RIMS2: variants seen among roughly 807,000 people sequenced by gnomAD.
The protein encoded by RIMS2 is regulating synaptic membrane exocytosis 2.
In RIMS2, 59 loss-of-function variants were observed where a neutral mutation model predicts 174.4. The observed-to-expected ratio is 0.34, with a 90% confidence interval of 0.27 to 0.42. The LOEUF is 0.42. RIMS2 is among the 10% of genes least tolerant of loss of function. RIMS2 has a pLI of 1.00. For synonymous variants in RIMS2, 606 were observed against 572.5 expected, an observed-to-expected ratio of 1.06 and a Z score of -0.84; for missense variants, 1,620 against 1,666.3, an observed-to-expected ratio of 0.97 and a Z score of 0.48.
chr8:103,956,448 A>G (rs1426028286), intron 14 of RIMS2, among the ~76,000 whole-genome samples: 1 of 152,188 alleles, frequency 6.6e-6, no homozygotes, highest in African/African-American at 2.4e-5. Flanking sequence ...ATAATGCCAC[A>G]CATCTACAAC....
At chr8:104,155,396 G>A (rs539229407) in intron 19 of RIMS2, among the ~76,000 whole-genome samples, 286 of 142,408 alleles carry the variant, frequency 2.0e-3, no homozygotes, top group African/African-American at 7.3e-3. Context: ...ATGAGCCACC[G>A]CGCCCGGCCT....
chr8:103,783,565 A>T (rs540505047), intron 3 of RIMS2, among the ~76,000 whole-genome samples: 1 of 150,996 alleles, frequency 6.6e-6, no homozygotes, highest in Admixed American at 6.6e-5. Context: ...ATGATTTCCA[A>T]TTTCATCCAT....
chr8:103,675,846 G>A (rs903841074), intron 1 of RIMS2, among the ~76,000 whole-genome samples: 6 of 152,042 alleles, frequency 3.9e-5, no homozygotes, highest in Admixed American at 3.9e-4. Flanking sequence ...ATTCTGGTTT[G>A]TGGACTTTTA....
chr8:104,055,357 T>C (rs1305580974), intron 19 of RIMS2, among the ~76,000 whole-genome samples: 2 of 152,148 alleles, frequency 1.3e-5, no homozygotes, highest in Non-Finnish European at 2.9e-5. Context: ...ATAAGATGTA[T>C]ATACAGGGTG....
chr8:104,181,815 T>C (rs2098941623), intron 19 of RIMS2, among the ~76,000 whole-genome samples: 1 of 151,684 alleles, frequency 6.6e-6, no homozygotes, highest in Non-Finnish European at 1.5e-5. Flanking sequence ...TTTTATGTAC[T>C]TCGACATTTA....
intron 19 of RIMS2, among the ~76,000 whole-genome samples, chr8:104,115,062 G>A (rs1357919383): frequency 1.3e-5 from 2 of 152,008 alleles, no homozygotes; most frequent in Non-Finnish European, 2.9e-5. Context: ...GTACTGATCT[G>A]AAGCTTAAGA....
intron 1 of RIMS2, among the ~76,000 whole-genome samples, chr8:103,503,289 T>C (rs1482620810): frequency 2.7e-5 from 4 of 149,648 alleles, no homozygotes; most frequent in African/African-American, 1.0e-4. Flanking sequence ...GTTTTAAATG[T>C]TCTTAATTTT....
intron 19 of RIMS2, among the ~76,000 whole-genome samples, chr8:104,067,136 AT>A (rs2097120158): frequency 6.6e-6 from 1 of 152,050 alleles, no homozygotes; most frequent in Non-Finnish European, 1.5e-5. Flanking sequence ...TAAAATACCT[AT>A]TTTTTAATAG....
At chr8:103,757,496 AT>A (rs1437218033) in intron 2 of RIMS2, among the ~76,000 whole-genome samples, 4 of 152,070 alleles carry the variant, frequency 2.6e-5, no homozygotes, top group Non-Finnish European at 5.9e-5. Flanking sequence ...TTTGGTTCAC[AT>A]TTTTAAAACG....
intron 3 of RIMS2, among the ~76,000 whole-genome samples, chr8:103,814,066 A>G (rs1199665261): frequency 2.0e-5 from 3 of 152,238 alleles, no homozygotes; most frequent in African/African-American, 7.2e-5. Context: ...ACTATGCGCC[A>G]TAAAAAAGAA....
intron 3 of RIMS2, among the ~76,000 whole-genome samples, chr8:103,864,501 G>T (rs2099075358): frequency 6.6e-6 from 1 of 151,960 alleles, no homozygotes; most frequent in Non-Finnish European, 1.5e-5. Flanking sequence ...TCTATATATT[G>T]ATTTCTAATT....
At chr8:104,169,305 T>C (rs1344982539) in intron 19 of RIMS2, among the ~76,000 whole-genome samples, 1 of 26,012 alleles carries the variant, frequency 3.8e-5, no homozygotes, top group Admixed American at 3.7e-4. Context: ...TGTTGTTGGC[T>C]ATATATATAT....
intron 3 of RIMS2, among the ~76,000 whole-genome samples, chr8:103,835,108 T>TA (rs2098868232): frequency 2.0e-5 from 3 of 147,052 alleles, no homozygotes; most frequent in Non-Finnish European, 4.5e-5. Flanking sequence ...CTTTTCTTTT[T>TA]TTTTTTTTTT....
downstream of RIMS2, chr8:104,254,162 T>C (rs1406810481): frequency 6.6e-6 from 1 of 151,784 alleles, no homozygotes; most frequent in Admixed American, 6.6e-5. Context: ...ACGGAATATT[T>C]GTACATACTT....
intron 1 of RIMS2, among the ~76,000 whole-genome samples, chr8:103,629,178 C>A (rs1354366986): frequency 6.6e-6 from 1 of 152,278 alleles, no homozygotes; most frequent in East Asian, 1.9e-4. Flanking sequence ...TGTGGATAGA[C>A]CCTCTCCTCC....
chr8:103,801,297 T>C (rs947665996), intron 3 of RIMS2, among the ~76,000 whole-genome samples: 1 of 152,222 alleles, frequency 6.6e-6, no homozygotes, highest in African/African-American at 2.4e-5. Flanking sequence ...AGCAATGTCT[T>C]TAAAGACTAT....
At chr8:103,529,441 A>C (rs1048870171) in intron 1 of RIMS2, among the ~76,000 whole-genome samples, 7 of 152,172 alleles carry the variant, frequency 4.6e-5, no homozygotes, top group African/African-American at 1.7e-4. Context: ...GCGGGATATA[A>C]TCTCCTGGTG....
intron 3 of RIMS2, among the ~76,000 whole-genome samples, chr8:103,873,524 G>A (rs949151222): frequency 1.3e-5 from 2 of 152,006 alleles, no homozygotes; most frequent in African/African-American, 2.4e-5. Flanking sequence ...GTTGGCCAAG[G>A]GATAGTTTAC....
In RIMS2 at chr8:104,026,117, G is replaced by A. The variant is rs73295566; in HGVS notation, c.3334+11502G>A. 6.8e-3 allele frequency among the ~76,000 whole-genome samples: 1,037 copies of A among 152,216 alleles called. 15 individuals are homozygous for A. Among genetic ancestry groups the A allele is most frequent in the African/African-American group, 0.024 (978 of 41,532 alleles). ...ATTTTTGGAAATTAGTAATCATGAT[G>A]CTATTTTTAATCAAATGACTTGCAT... On this transcript the variant is annotated intron_variant, in intron 19 of 23. Coordinates refer to ENST00000504942, the Ensembl canonical transcript of RIMS2.
Sources: allele counts gnomAD v4.1 joint callset (sites outside exome capture counted in the v4.1 genomes callset), GRCh38; gene constraint gnomAD v4.1.1; transcripts MANE v1.5; gene names NCBI Gene and HGNC (gene_info 2026-07-23, HGNC 2026-07-21).